Variants in MCC observed in about 807,000 individuals in gnomAD.
MCC encodes MCC regulator of Wnt signaling pathway.
MCC carries 90 observed loss-of-function variants against 116.2 expected under a neutral mutation model. The observed-to-expected ratio is 0.77, with a 90% confidence interval of 0.65 to 0.92. The LOEUF (loss-of-function observed/expected upper bound fraction) is 0.92, where lower values mean the gene tolerates loss of function less well. Ranked by LOEUF, MCC falls within the 40% of genes least tolerant of loss-of-function variation. The pLI, the probability that MCC is intolerant of heterozygous loss-of-function variation, is 0.00. For missense variants in MCC, 1,516 were observed against 1,312.2 expected (o/e 1.16, Z -2.40); for synonymous variants, 578 against 510.5 (o/e 1.13, Z -1.78).
chr5:113,318,039 G>A (rs1767329899), intron 3 of MCC, among the ~76,000 whole-genome samples: 1 of 152,214 alleles, frequency 6.6e-6, no homozygotes. Context: ...AGAGGTGGAG[G>A]TCAGAGGATT....
chr5:113,074,531 A>C (rs1754279323), intron 11 of MCC, among the ~76,000 whole-genome samples: 1 of 151,828 alleles, frequency 6.6e-6, no homozygotes, highest in South Asian at 2.1e-4. Context: ...TGGACAGAGA[A>C]TGACTTTGAT....
At chr5:113,133,859 CT>C (rs1384858750) in intron 5 of MCC, among the ~76,000 whole-genome samples, 1 of 152,046 alleles carries the variant, frequency 6.6e-6, no homozygotes, top group African/African-American at 2.4e-5. Flanking sequence ...ATTTTGAATA[CT>C]TTTTCATTTA....
intron 3 of MCC, among the ~76,000 whole-genome samples, chr5:113,285,759 G>T (rs575519281): frequency 2.2e-4 from 34 of 152,210 alleles, no homozygotes; most frequent in South Asian, 2.1e-3. Context: ...CTGAACATTT[G>T]TGTACTGTCT....
intron 3 of MCC, among the ~76,000 whole-genome samples, chr5:113,323,743 T>C (rs1767481118): frequency 6.6e-6 from 1 of 152,208 alleles, no homozygotes; most frequent in African/African-American, 2.4e-5. Context: ...CACGTGGGCC[T>C]GGAGCAGTAA....
chr5:113,387,555 G>A (rs1252167465), intron 1 of MCC, among the ~76,000 whole-genome samples: 1 of 152,062 alleles, frequency 6.6e-6, no homozygotes, highest in Non-Finnish European at 1.5e-5. Context: ...TTAAATTTAG[G>A]CTTAGCAAAA....
chr5:113,172,587 G>C (rs1761129713), intron 3 of MCC, among the ~76,000 whole-genome samples: 1 of 152,182 alleles, frequency 6.6e-6, no homozygotes, highest in South Asian at 2.1e-4. Context: ...GAACAAATCA[G>C]GTGACGAGAA....
At chr5:113,473,055 C>A (rs1772137048) in intron 1 of MCC, among the ~76,000 whole-genome samples, 1 of 152,112 alleles carries the variant, frequency 6.6e-6, no homozygotes, top group Admixed American at 6.5e-5. Flanking sequence ...ATAGAAATTA[C>A]CATAATACAA....
intron 3 of MCC, among the ~76,000 whole-genome samples, chr5:113,199,918 C>T (rs1221900656): frequency 2.6e-5 from 4 of 152,164 alleles, no homozygotes; most frequent in African/African-American, 4.8e-5. Context: ...CCGGTGAAGG[C>T]TATTGATTTT....
At chr5:113,072,456 C>T (rs112143659) in intron 11 of MCC, among the ~76,000 whole-genome samples, 339 of 152,306 alleles carry the variant, frequency 2.2e-3, no homozygotes, top group Non-Finnish European at 3.3e-3. Flanking sequence ...CAGTCTGTCC[C>T]GGCTAATTAG....
rs527802980 is a variant in MCC at position 113,288,779 on chromosome 5, G to C, written c.627+51740C>G. The stretch of plus-strand genomic sequence containing the variant: ...TCCTCTGAGTGTGCTCTGGAGAAAG[G>C]CTACCTGGGCACAAATCTTGACTCC... On this transcript the variant is annotated intron_variant, in intron 3 of 18. Transcript: ENST00000408903. 7.9e-5 allele frequency among the ~76,000 whole-genome samples: 12 copies of C among 152,236 alleles called. No individual in the cohort carries two copies. In the South Asian group the frequency reaches 2.3e-3, roughly 29 times the overall value.
chr5:113,064,844 C>T (rs928932057), intron 13 of MCC, among the ~76,000 whole-genome samples: 5 of 152,296 alleles, frequency 3.3e-5, no homozygotes, highest in Admixed American at 2.0e-4. Context: ...AAAATGTTCA[C>T]ATTCCTATTG....
chr5:113,306,750 TATTG>T (rs1766995857), intron 3 of MCC, among the ~76,000 whole-genome samples: 1 of 152,204 alleles, frequency 6.6e-6, no homozygotes, highest in South Asian at 2.1e-4. Context: ...TTTTTTCTTT[TATTG>T]CTTATGCTTT....
chr5:113,098,021 A>G (rs1195784157), intron 8 of MCC, among the ~76,000 whole-genome samples: 1 of 152,228 alleles, frequency 6.6e-6, no homozygotes, highest in Admixed American at 6.5e-5. Context: ...TGACATGAAC[A>G]TGCAGAAGAA....
intron 1 of MCC, among the ~76,000 whole-genome samples, chr5:113,388,815 T>A (rs1435059880): frequency 1.3e-5 from 2 of 152,196 alleles, no homozygotes; most frequent in African/African-American, 4.8e-5. Flanking sequence ...CAGATTATGA[T>A]ATGACAGTTG....
At chr5:113,189,265 G>A (rs1390700537) in intron 3 of MCC, among the ~76,000 whole-genome samples, 2 of 152,200 alleles carry the variant, frequency 1.3e-5, no homozygotes, top group African/African-American at 4.8e-5. Flanking sequence ...CTTAAACAGT[G>A]AGACTCTCAG....
intron 3 of MCC, among the ~76,000 whole-genome samples, chr5:113,210,469 C>T (rs1398180919): frequency 6.6e-6 from 1 of 152,086 alleles, no homozygotes. Context: ...CAATATGGGA[C>T]AGCTAGTGTA....
At chr5:113,310,816 C>A (rs1037853518) in intron 3 of MCC, among the ~76,000 whole-genome samples, 1 of 152,178 alleles carries the variant, frequency 6.6e-6, no homozygotes, top group Non-Finnish European at 1.5e-5. Context: ...AAGGTGGGAA[C>A]CTCCTTCAAA....
chr5:113,465,667 G>GA (rs1304675083), intron 1 of MCC, among the ~76,000 whole-genome samples: 1 of 151,774 alleles, frequency 6.6e-6, no homozygotes, highest in East Asian at 1.9e-4. Flanking sequence ...GAAATCAAAA[G>GA]AAAAATACAA....
intron 1 of MCC, among the ~76,000 whole-genome samples, chr5:113,445,439 T>C (rs965001538): frequency 6.6e-6 from 1 of 152,156 alleles, no homozygotes; most frequent in African/African-American, 2.4e-5. Context: ...ATCAGTAGCA[T>C]TTTTATACAG....
Sources: gnomAD v4.1 joint callset for allele counts (sites outside exome capture counted in the v4.1 genomes callset) on GRCh38, gnomAD v4.1.1 for gene constraint, MANE v1.5 for transcripts, NCBI Gene and HGNC (gene_info 2026-07-23, HGNC 2026-07-21) for gene names.